Variants in TMEFF2 observed in about 807,000 individuals in gnomAD.
TMEFF2 encodes the protein tomoregulin-2.
TMEFF2 carries 28 observed loss-of-function variants against 53.8 expected under a neutral mutation model. The observed-to-expected ratio is 0.52, with a 90% confidence interval of 0.39 to 0.71. The LOEUF (loss-of-function observed/expected upper bound fraction) is 0.71, where lower values mean the gene tolerates loss of function less well. TMEFF2 is among the 30% of genes least tolerant of loss of function. The pLI, the probability that TMEFF2 is intolerant of heterozygous loss-of-function variation, is 0.00. For synonymous variants in TMEFF2, 162 were observed against 166.3 expected (o/e 0.97, Z 0.20); for missense variants, 353 against 455.2 (o/e 0.78, Z 2.04).
chr2:191,976,871 C>T (rs1030598677), intron 7 of TMEFF2, among the ~76,000 whole-genome samples: 3 of 152,184 alleles, frequency 2.0e-5, no homozygotes, highest in Admixed American at 6.5e-5. Flanking sequence ...TGTCTTGGTT[C>T]AAATCCTATT....
chr2:191,971,560 T>C (rs544716929), intron 7 of TMEFF2, among the ~76,000 whole-genome samples: 1 of 152,342 alleles, frequency 6.6e-6, no homozygotes, highest in African/African-American at 2.4e-5. Flanking sequence ...TGTTTCTTGA[T>C]GTGTGACTAT....
intron 7 of TMEFF2, among the ~76,000 whole-genome samples, chr2:191,974,080 T>C (rs1427228599): frequency 6.6e-6 from 1 of 152,224 alleles, no homozygotes. Flanking sequence ...TACATACTCA[T>C]GCCCAATTTT....
chr2:192,182,595 G>A (rs989626690), intron 3 of TMEFF2, among the ~76,000 whole-genome samples: 3 of 151,980 alleles, frequency 2.0e-5, no homozygotes, highest in African/African-American at 4.8e-5. Context: ...GCGCTGACAA[G>A]AACTTGGAGG....
intron 4 of TMEFF2, among the ~76,000 whole-genome samples, chr2:192,104,337 G>A (rs761435631): frequency 6.6e-6 from 1 of 152,022 alleles, no homozygotes; most frequent in Non-Finnish European, 1.5e-5. Flanking sequence ...ATTTTAGGGG[G>A]CAGATCAGAG....
intron 7 of TMEFF2, among the ~76,000 whole-genome samples, chr2:191,972,732 G>T (rs1385512614): frequency 1.3e-5 from 2 of 152,122 alleles, no homozygotes; most frequent in South Asian, 4.2e-4. Context: ...ATTCCAAGAT[G>T]ATGCAGTTTT....
chr2:192,040,990 C>A (rs530548184), intron 5 of TMEFF2, among the ~76,000 whole-genome samples: 10 of 152,188 alleles, frequency 6.6e-5, no homozygotes, highest in African/African-American at 2.4e-4. Context: ...GATCACAGAC[C>A]TAAATATAGA....
chr2:191,964,352 CT>C (rs1394769617), intron 7 of TMEFF2, among the ~76,000 whole-genome samples: 5 of 104,470 alleles, frequency 4.8e-5, no homozygotes, highest in African/African-American at 1.7e-4. Context: ...TTCTTTCTTT[CT>C]TTCTTTCTTT....
chr2:192,065,648 TTTTAC>T (rs1688152242), intron 4 of TMEFF2, among the ~76,000 whole-genome samples: 1 of 151,668 alleles, frequency 6.6e-6, no homozygotes, highest in African/African-American at 2.4e-5. Flanking sequence ...GCTTATCTTT[TTTTAC>T]TTTATTTACA....
At chr2:192,042,933 A>G (rs1574319237) in intron 5 of TMEFF2, among the ~76,000 whole-genome samples, 1 of 152,326 alleles carries the variant, frequency 6.6e-6, no homozygotes, top group South Asian at 2.1e-4. Context: ...GAGAGCCACA[A>G]CATCCTTGAA....
Position 191,998,289 on chromosome 2 carries a change from C to T in TMEFF2, c.718G>A (p.Gly240Arg), listed in dbSNP as rs1219312866. The change falls in exon 7 of 10, where the codon GGG becomes AGG. Residue 240 changes from glycine to arginine, a missense_variant. By Grantham distance (125) the Gly-to-Arg change is moderately radical. Transcript: ENST00000272771. ...NTTTTTKSEDGHYARTDYAEN... is the reference protein window; with the variant it reads ...NTTTTTKSEDRHYARTDYAEN... The stretch of plus-strand genomic sequence containing the variant: ...GCATAATCTGTTCTTGCATAATGCC[C>T]ATCTTCAGACTTAGTAGTTGTAGTT... The T allele has an allele frequency of 2.8e-5, 45 of 1,598,798 alleles. No individual in the cohort carries two copies. Among genetic ancestry groups the T allele is most frequent in the Non-Finnish European group, 3.8e-5 (44 of 1,173,280 alleles).
At position 192,191,869 on chromosome 2, in the gene TMEFF2, A is replaced by T; in HGVS notation, c.282+11T>A. 6.4e-7 allele frequency: 1 copy of T among 1,570,338 alleles called. No homozygotes were observed. Among genetic ancestry groups the T allele is most frequent in the Non-Finnish European group, 8.8e-7 (1 of 1,141,104 alleles). On this transcript the variant is annotated intron_variant, in intron 2 of 9. Transcript: ENST00000272771. ...TAATGAATTAGAAGATGCAAATATA[A>T]GACTTCTTACCTTGAACTGACAGAC...
At chr2:192,173,711 G>C (rs1482846474) in intron 4 of TMEFF2, among the ~76,000 whole-genome samples, 1 of 151,656 alleles carries the variant, frequency 6.6e-6, no homozygotes, top group Admixed American at 6.6e-5. Flanking sequence ...CTTCTATTAT[G>C]TGTATTAACA....
At chr2:192,014,303 T>G (rs1686698678) in intron 5 of TMEFF2, among the ~76,000 whole-genome samples, 1 of 152,346 alleles carries the variant, frequency 6.6e-6, no homozygotes, top group Non-Finnish European at 1.5e-5. Flanking sequence ...TTGAGAGCCC[T>G]AGGCTACATG....
At chr2:192,125,766 C>T (rs1005319437) in intron 4 of TMEFF2, among the ~76,000 whole-genome samples, 13 of 152,106 alleles carry the variant, frequency 8.5e-5, no homozygotes, top group South Asian at 2.1e-4. Flanking sequence ...AAACTAACAT[C>T]GCAGGAACAG....
intron 7 of TMEFF2, among the ~76,000 whole-genome samples, chr2:191,976,313 T>G (rs893194648): frequency 1.3e-5 from 2 of 152,222 alleles, no homozygotes; most frequent in African/African-American, 4.8e-5. Flanking sequence ...TATAAAACCC[T>G]CAGCAAAAGA....
chr2:191,957,518 T>C (rs991948237), intron 7 of TMEFF2, among the ~76,000 whole-genome samples: 32 of 152,298 alleles, frequency 2.1e-4, no homozygotes, highest in Admixed American at 1.3e-3. Flanking sequence ...AGCATATTCA[T>C]TGGAAGAAAA....
intron 3 of TMEFF2, among the ~76,000 whole-genome samples, chr2:192,182,966 G>A (rs1574442635): frequency 6.6e-6 from 1 of 151,888 alleles, no homozygotes; most frequent in Non-Finnish European, 1.5e-5. Context: ...TCCTATTGGA[G>A]AAGGCTGCCC....
At chr2:192,132,254 TAAA>T (rs1004202227) in intron 4 of TMEFF2, among the ~76,000 whole-genome samples, 1 of 152,192 alleles carries the variant, frequency 6.6e-6, no homozygotes, top group African/African-American at 2.4e-5. Context: ...AATTTACTCT[TAAA>T]AAGGTGGCTG....
intron 7 of TMEFF2, among the ~76,000 whole-genome samples, chr2:191,975,315 A>G (rs1485632866): frequency 1.4e-5 from 2 of 142,964 alleles, no homozygotes; most frequent in African/African-American, 5.0e-5. Context: ...TTTGAATTTA[A>G]GATTTTATTC....
Sources: gnomAD v4.1 joint callset for allele counts (sites outside exome capture counted in the v4.1 genomes callset) on GRCh38, gnomAD v4.1.1 for gene constraint, MANE v1.5 for transcripts, NCBI Gene and HGNC (gene_info 2026-07-23, HGNC 2026-07-21) for gene names.